The following ORC2 variants were observed in gnomAD, a reference collection of about 807,000 sequenced individuals.
ORC2 encodes origin recognition complex protein 2 homolog.
In ORC2, 37 loss-of-function variants were observed where a neutral mutation model predicts 77.7. The observed-to-expected ratio is 0.48, with a 90% confidence interval of 0.37 to 0.63. ORC2 has a LOEUF of 0.63. ORC2 is among the 20% of genes least tolerant of loss of function. The probability of loss-of-function intolerance (pLI) is 0.00; values close to 1 mark genes in which losing one functional copy is unlikely to be tolerated. For synonymous variants in ORC2, 201 were observed against 229.5 expected (o/e 0.88, Z 1.12); for missense variants, 557 against 661.9 (o/e 0.84, Z 1.74).
chr2:200,954,221 A>G (rs778926589), intron 4 of ORC2, among the ~76,000 whole-genome samples: 1 of 151,810 alleles, frequency 6.6e-6, no homozygotes, highest in Non-Finnish European at 1.5e-5. Context: ...TTTAGTAGAG[A>G]CACGGTTTCG....
In ORC2 at chr2:200,915,999, A is replaced by G. The variant is rs998500647; in HGVS notation, c.1467-2007T>C. 2.0e-5 allele frequency among the ~76,000 whole-genome samples: 3 copies of G among 152,254 alleles called. No individual in the cohort carries two copies. In the East Asian group the frequency reaches 5.8e-4, roughly 29 times the overall value. On this transcript the variant is annotated intron_variant, in intron 15 of 17. Coordinates refer to ENST00000234296, the MANE Select transcript of ORC2 (RefSeq NM_006190.5). The stretch of plus-strand genomic sequence containing the variant: ...AGTGAGCCACCGCATCCGGCCCTCA[A>G]TGACTACTTTTTAACTAGGTACTAC...
At chr2:200,949,516 G>T in intron 5 of ORC2, 38 bp downstream of exon 5, 1 of 1,085,498 alleles carries the variant, frequency 9.2e-7, no homozygotes, top group Non-Finnish European at 1.4e-6. Context: ...CCTTAGGAAA[G>T]ATGAGTAATA....
intron 15 of ORC2, among the ~76,000 whole-genome samples, chr2:200,916,941 G>A (rs1004065705): frequency 7.4e-5 from 11 of 147,700 alleles, no homozygotes; most frequent in African/African-American, 2.3e-4. Flanking sequence ...TGATCTGCCC[G>A]CCTTGGCCTC....
chr2:200,926,903 G>A lies in ORC2; in HGVS notation c.918-3C>T. On this transcript the variant is annotated splice_polypyrimidine_tract_variant and splice_region_variant and intron_variant, in intron 11 of 17. Transcript: ENST00000234296. ...AAAGCACAATGTTGAACCCAAGGCT[G>A]TTAGGAAAGACAGTATTCATGAAAT... The A allele has an allele frequency of 1.2e-6, 2 of 1,612,706 alleles. No individual in the cohort carries two copies. Among genetic ancestry groups the A allele is most frequent in the Non-Finnish European group, 1.7e-6 (2 of 1,179,362 alleles).
At position 200,921,051 on chromosome 2, in the gene ORC2, C is replaced by T. The variant is rs1472989938; in HGVS notation, c.1236G>A (p.Leu412=). Residue 412 remains leucine (L), a synonymous_variant, in exon 14 of 18, where the codon TTG becomes TTA. Coordinates refer to ENST00000234296, the MANE Select transcript of ORC2 (RefSeq NM_006190.5). The part of the protein sequence containing the change: ...GEKSQQIIGQ[L]SSLHNIYLIA... ...TAAGGTAAATGTTATGCAAAGATGA[C>T]AACTGACCAATGATTTGCTGGCTCT... 1.9e-6 allele frequency: 3 copies of T among 1,609,552 alleles called. No homozygotes were observed. Among genetic ancestry groups the T allele is most frequent in the Non-Finnish European group, 2.5e-6 (3 of 1,177,172 alleles).
chr2:200,919,603 C>A (rs1385113722), intron 15 of ORC2, among the ~76,000 whole-genome samples: 1 of 152,244 alleles, frequency 6.6e-6, no homozygotes, highest in Admixed American at 6.5e-5. Context: ...AAGTGACCCA[C>A]CTGCCTTGGC....
intron 11 of ORC2, among the ~76,000 whole-genome samples, chr2:200,927,545 C>T (rs1461450873): frequency 6.7e-6 from 1 of 148,652 alleles, no homozygotes; most frequent in South Asian, 2.1e-4. Context: ...AAAAAATTAG[C>T]TGGGTGCAGT....
chr2:200,943,418 G>A (rs7595481), intron 5 of ORC2, among the ~76,000 whole-genome samples: 30 of 151,468 alleles, frequency 2.0e-4, no homozygotes, highest in African/African-American at 7.3e-4. Flanking sequence ...ACTTATAATA[G>A]AGGCCATTTT....
In ORC2 at chr2:200,958,067, A is replaced by G; in HGVS notation, c.57T>C (p.Asp19=). The change falls in exon 3 of 18, where the codon GAT becomes GAC. Residue 19 remains aspartate (D), a synonymous_variant. Transcript: ENST00000234296. ...DKMLEVHFVG[D]DDVLNHILDR... ...CTAGAATGTGATTAAGAACATCATCATCTCCCACAAAGTGAACCTCCAGCA... is the reference window on the plus strand; with the variant it reads ...CTAGAATGTGATTAAGAACATCATCGTCTCCCACAAAGTGAACCTCCAGCA... The G allele has an allele frequency of 6.2e-7, 1 of 1,611,796 alleles. No individual in the cohort carries two copies. The highest frequency in any genetic ancestry group is 8.5e-7 in the Non-Finnish European group (1 of 1,178,340).
chr2:200,920,200 G>A, intron 15 of ORC2, 22 bp downstream of exon 15: 1 of 1,589,522 alleles, frequency 6.3e-7, no homozygotes, highest in Non-Finnish European at 8.6e-7. Flanking sequence ...TTTTAAAAAA[G>A]AAATATGGTT....
At chr2:200,954,478 A>G (rs528393979) in intron 4 of ORC2, among the ~76,000 whole-genome samples, 1 of 152,348 alleles carries the variant, frequency 6.6e-6, no homozygotes, top group Non-Finnish European at 1.5e-5. Context: ...TACATTATTA[A>G]TTGCAAAAAG....
chr2:200,939,301 T>A (rs1394326150), intron 7 of ORC2, among the ~76,000 whole-genome samples: 1 of 152,042 alleles, frequency 6.6e-6, no homozygotes, highest in African/African-American at 2.4e-5. Flanking sequence ...AACTTATATA[T>A]ATCTACACAG....
chr2:200,930,040 G>GTCAT (rs983688082), intron 11 of ORC2, among the ~76,000 whole-genome samples: 7 of 152,026 alleles, frequency 4.6e-5, no homozygotes, highest in African/African-American at 1.7e-4. Context: ...AGTTACATGA[G>GTCAT]TCATTCATAT....
chr2:200,921,246 A>C (rs2040754096), intron 13 of ORC2, 107 bp from the exon 14 acceptor site: 2 of 593,946 alleles, frequency 3.4e-6, no homozygotes, highest in Admixed American at 6.9e-5. Context: ...TGCAGCCTCC[A>C]ACTCCTGGAC....
At position 200,929,094 on chromosome 2, in the gene ORC2, G is replaced by C. The variant is rs183467264; in HGVS notation, c.918-2194C>G. 1.7e-3 allele frequency among the ~76,000 whole-genome samples: 266 copies of C among 152,162 alleles called. 1 individual carries two copies. The highest frequency in any genetic ancestry group is 6.1e-3 in the African/African-American group (254 of 41,522). The stretch of plus-strand genomic sequence containing the variant: ...ACCCTCCCAAGTAGCTGGGATTACA[G>C]GCATGCACCACTAAGCCCGGCTAAC... On this transcript the variant is annotated intron_variant, in intron 11 of 17. Transcript: ENST00000234296.
At position 200,963,660 on chromosome 2, in the gene ORC2, T is replaced by G. The variant is rs1052687879; in HGVS notation, c.-230A>C. ...GGAGCACCGGAGGCCAGCTGGGGGA[T>G]GGGAAGCCTGCGTGCGGCACACCGA... On this transcript the variant is annotated 5_prime_UTR_variant, in exon 1 of 18. Coordinates refer to ENST00000234296, the MANE Select transcript of ORC2 (RefSeq NM_006190.5). The G allele has an allele frequency of 2.5e-6, 1 of 397,772 alleles. No homozygotes were observed. The highest frequency in any genetic ancestry group is 2.1e-5 in the African/African-American group (1 of 48,548). 24.6% of individuals were successfully genotyped at this position (397,772 alleles called of 1,614,324 possible).
At chr2:200,941,354 T>G (rs1260221209) in intron 6 of ORC2, 75 bp from the exon 7 acceptor site, 2 of 1,409,286 alleles carry the variant, frequency 1.4e-6, no homozygotes, top group Non-Finnish European at 2.0e-6. Flanking sequence ...TCATTAAAAG[T>G]AAAGTTTGCC....
intron 11 of ORC2, among the ~76,000 whole-genome samples, chr2:200,929,032 C>T (rs2040892802): frequency 6.6e-6 from 1 of 151,850 alleles, no homozygotes; most frequent in Non-Finnish European, 1.5e-5. Context: ...GCGATTTTGG[C>T]TCACTGCCTC....
intron 15 of ORC2, among the ~76,000 whole-genome samples, chr2:200,917,022 TCTCA>T (rs1203287572): frequency 7.6e-6 from 1 of 131,046 alleles, no homozygotes; most frequent in African/African-American, 3.2e-5. Flanking sequence ...TGAGACAGAG[TCTCA>T]CTCTGTTGCA....
Sources: gnomAD v4.1 joint callset for allele counts (sites outside exome capture counted in the v4.1 genomes callset) on GRCh38, gnomAD v4.1.1 for gene constraint, MANE v1.5 for transcripts, NCBI Gene and HGNC (gene_info 2026-07-23, HGNC 2026-07-21) for gene names.